The following CSMD1 variants were observed in gnomAD, a reference collection of about 807,000 sequenced individuals.
The protein encoded by CSMD1 is CUB and sushi domain-containing protein 1.
CSMD1 carries 213 observed loss-of-function variants against 417.5 expected under a neutral mutation model. The observed-to-expected ratio is 0.51, with a 90% confidence interval of 0.46 to 0.57. The LOEUF (loss-of-function observed/expected upper bound fraction) is 0.57, where lower values mean the gene tolerates loss of function less well. Among genes scored for constraint, CSMD1 ranks in the 20% least tolerant of loss-of-function variants. CSMD1 has a pLI of 0.00. For synonymous variants in CSMD1, 2,862 were observed against 1,736.8 expected, an observed-to-expected ratio of 1.65 and a Z score of -16.11; for missense variants, 6,923 against 4,529.7, an observed-to-expected ratio of 1.53 and a Z score of -15.17.
chr8:4,133,254 T>C (rs915386071), intron 3 of CSMD1, among the ~76,000 whole-genome samples: 1 of 152,234 alleles, frequency 6.6e-6, no homozygotes, highest in South Asian at 2.1e-4. Flanking sequence ...TCTAATAATA[T>C]TATTAAGCAA....
At chr8:3,697,596 G>C (rs1024139307) in intron 7 of CSMD1, among the ~76,000 whole-genome samples, 26 of 152,074 alleles carry the variant, frequency 1.7e-4, no homozygotes, top group South Asian at 2.1e-4. Context: ...CAAGAATATA[G>C]CAGTTCCCCC....
At chr8:3,827,872 G>C (rs973399993) in intron 5 of CSMD1, among the ~76,000 whole-genome samples, 5 of 152,194 alleles carry the variant, frequency 3.3e-5, no homozygotes, top group Admixed American at 3.3e-4. Context: ...CACTTCTGAT[G>C]AAGTTTCATC....
intron 3 of CSMD1, among the ~76,000 whole-genome samples, chr8:4,142,858 T>A (rs1013268491): frequency 4.6e-5 from 7 of 151,198 alleles, no homozygotes; most frequent in Admixed American, 2.6e-4. Context: ...CTGTTTCTAA[T>A]ATCATCATTT....
chr8:3,307,956 C>G (rs10089513), intron 24 of CSMD1, 135 bp from the exon 25 acceptor site: 244,603 of 984,242 alleles, frequency 0.25, 32,707 homozygotes, highest in Admixed American at 0.28. Flanking sequence ...TCTCTCTCTC[C>G]TGACCGTTTC....
intron 12 of CSMD1, among the ~76,000 whole-genome samples, chr8:3,410,148 A>G (rs935337291): frequency 6.6e-6 from 1 of 152,274 alleles, no homozygotes; most frequent in Non-Finnish European, 1.5e-5. Flanking sequence ...TCATTAAAAC[A>G]TCACTGTAAT....
At chr8:3,056,432 G>A (rs1298501275) in intron 49 of CSMD1, among the ~76,000 whole-genome samples, 3 of 152,152 alleles carry the variant, frequency 2.0e-5, no homozygotes, top group African/African-American at 4.8e-5. Context: ...CAGTGGCACA[G>A]TCCAGGTTCA....
intron 10 of CSMD1, among the ~76,000 whole-genome samples, chr8:3,565,640 G>C (rs1380427079): frequency 6.6e-6 from 1 of 152,114 alleles, no homozygotes; most frequent in Non-Finnish European, 1.5e-5. Flanking sequence ...AATCATAAAA[G>C]AAGTTAAAGC....
intron 58 of CSMD1, among the ~76,000 whole-genome samples, chr8:2,966,164 C>T (rs1018879570): frequency 3.3e-5 from 5 of 152,166 alleles, no homozygotes; most frequent in African/African-American, 7.2e-5. Flanking sequence ...ATTTCTGTTC[C>T]GTTGGCAGCT....
intron 36 of CSMD1, among the ~76,000 whole-genome samples, chr8:3,185,587 A>C (rs1486705991): frequency 1.3e-5 from 2 of 152,212 alleles, no homozygotes; most frequent in African/African-American, 4.8e-5. Flanking sequence ...GGATATATGA[A>C]ATTATTACAC....
At chr8:4,554,373 G>C (rs956202700) in intron 2 of CSMD1, among the ~76,000 whole-genome samples, 2 of 152,144 alleles carry the variant, frequency 1.3e-5, no homozygotes, top group African/African-American at 4.8e-5. Context: ...CTGACCTCAG[G>C]TGATCTACCT....
intron 5 of CSMD1, among the ~76,000 whole-genome samples, chr8:3,855,818 T>C (rs147382094): frequency 2.6e-5 from 4 of 152,286 alleles, no homozygotes; most frequent in Non-Finnish European, 5.9e-5. Flanking sequence ...TAGTAGGGTA[T>C]TACGTAAACA....
chr8:4,506,645 A>C lies in CSMD1; in HGVS notation c.303-86580T>G, dbSNP rs1430175059. 6.6e-4 allele frequency among the ~76,000 whole-genome samples: 100 copies of C among 152,170 alleles called. 2 individuals carry two copies. The highest frequency in any genetic ancestry group is 6.5e-3 in the Admixed American group (100 of 15,274). ...AGCAACAAACAACCTTGTTTTACAT[A>C]AGACCCTATAATTTCAGTGTGTTTT... On this transcript the variant is annotated intron_variant, in intron 2 of 69. Coordinates refer to ENST00000635120, the MANE Select transcript of CSMD1 (RefSeq NM_033225.6).
intron 3 of CSMD1, among the ~76,000 whole-genome samples, chr8:4,391,995 G>A (rs1287442933): frequency 4.6e-5 from 7 of 152,152 alleles, no homozygotes; most frequent in Non-Finnish European, 1.0e-4. Flanking sequence ...TCAACACCAA[G>A]CATCAATCCT....
chr8:4,168,742 C>G (rs569266078), intron 3 of CSMD1, among the ~76,000 whole-genome samples: 1 of 152,162 alleles, frequency 6.6e-6, no homozygotes, highest in African/African-American at 2.4e-5. Context: ...ACCTCATTGG[C>G]TATTCAAGTT....
chr8:3,804,906 C>G (rs1476853140), intron 5 of CSMD1, among the ~76,000 whole-genome samples: 3 of 152,134 alleles, frequency 2.0e-5, no homozygotes, highest in Non-Finnish European at 4.4e-5. Context: ...AAAATGACTA[C>G]TTTAGAGTTT....
At chr8:3,245,775 G>C (rs1346780554) in intron 26 of CSMD1, among the ~76,000 whole-genome samples, 1 of 152,128 alleles carries the variant, frequency 6.6e-6, no homozygotes, top group Non-Finnish European at 1.5e-5. Flanking sequence ...TGTTGACCAA[G>C]GGTTGTGTTA....
intron 3 of CSMD1, among the ~76,000 whole-genome samples, chr8:4,178,605 A>G (rs1188092225): frequency 6.6e-6 from 1 of 151,878 alleles, no homozygotes; most frequent in Non-Finnish European, 1.5e-5. Context: ...AGAAGGAAAT[A>G]AAGGGTATTC....
chr8:4,616,564 C>T (rs1801484790), intron 2 of CSMD1, among the ~76,000 whole-genome samples: 2 of 152,180 alleles, frequency 1.3e-5, no homozygotes, highest in Non-Finnish European at 2.9e-5. Context: ...AGTTATAATA[C>T]TCAGTAAACT....
intron 2 of CSMD1, among the ~76,000 whole-genome samples, chr8:4,572,636 T>C (rs1451346019): frequency 1.3e-5 from 2 of 152,202 alleles, no homozygotes; most frequent in Non-Finnish European, 2.9e-5. Context: ...CGGTGTTCTC[T>C]GTATTTCCTG....
Sources: allele counts gnomAD v4.1 joint callset (sites outside exome capture counted in the v4.1 genomes callset), GRCh38; gene constraint gnomAD v4.1.1; transcripts MANE v1.5; gene names NCBI Gene and HGNC (gene_info 2026-07-23, HGNC 2026-07-21).